GMDS: variants seen among roughly 807,000 people sequenced by gnomAD.
GMDS encodes the protein GDP-mannose 4,6 dehydratase.
Under a neutral mutation model 49.9 loss-of-function variants are expected in GMDS, and 20 were observed. The ratio of observed to expected loss-of-function variants is 0.40; its 90% CI spans 0.28 to 0.58. The LOEUF (loss-of-function observed/expected upper bound fraction) is 0.58, where lower values mean the gene tolerates loss of function less well. Among genes scored for constraint, GMDS ranks in the 20% least tolerant of loss-of-function variants. The probability of loss-of-function intolerance (pLI) is 0.42; values close to 1 mark genes in which losing one functional copy is unlikely to be tolerated. For missense variants in GMDS, 362 were observed against 481.4 expected, an observed-to-expected ratio of 0.75 and a Z score of 2.32; for synonymous variants, 177 against 178.6, an observed-to-expected ratio of 0.99 and a Z score of 0.07.
At chr6:1,686,607 TC>T (rs1367675405) in intron 9 of GMDS, among the ~76,000 whole-genome samples, 2 of 152,074 alleles carry the variant, frequency 1.3e-5, no homozygotes, top group Admixed American at 1.3e-4. Flanking sequence ...TCTAAATAGA[TC>T]CCCCCCGGGT....
chr6:2,180,322 G>C (rs1251899643), intron 1 of GMDS, among the ~76,000 whole-genome samples: 5 of 152,206 alleles, frequency 3.3e-5, no homozygotes, highest in Non-Finnish European at 7.3e-5. Flanking sequence ...TAATGCTACA[G>C]AGAAAGGTAT....
At position 1,836,827 on chromosome 6, in the gene GMDS, T is replaced by C. The variant is rs193005655; in HGVS notation, c.771+93276A>G. 1.9e-3 allele frequency among the ~76,000 whole-genome samples: 293 copies of C among 152,320 alleles called. 1 individual carries two copies. Among genetic ancestry groups the C allele is most frequent in the Non-Finnish European group, 3.2e-3 (216 of 68,024 alleles). On this transcript the variant is annotated intron_variant, in intron 7 of 10. Coordinates refer to ENST00000380815, the MANE Select transcript of GMDS (RefSeq NM_001500.4). This position sits in a 1 kb window ranked among gnomAD's most constrained non-coding sequence, Gnocchi z 4.2. ...TAAATCTCTATCACAAAGTTACAAT[T>C]TCTGTGCAGAGCAAGAGCTGTCAGG... is the stretch of plus-strand genomic sequence containing the variant.
chr6:1,938,255 C>A (rs186094518), intron 6 of GMDS, among the ~76,000 whole-genome samples: 1 of 152,290 alleles, frequency 6.6e-6, no homozygotes, highest in African/African-American at 2.4e-5. Context: ...GGGGAATATA[C>A]ATCTTCTTAT....
chr6:1,824,206 C>T (rs543135573), intron 7 of GMDS, among the ~76,000 whole-genome samples: 6 of 152,118 alleles, frequency 3.9e-5, no homozygotes, highest in Admixed American at 2.6e-4. Context: ...GCCTTATAAC[C>T]TTCTCCTCAT....
At chr6:2,032,736 T>C (rs1668054978) in intron 4 of GMDS, among the ~76,000 whole-genome samples, 1 of 152,202 alleles carries the variant, frequency 6.6e-6, no homozygotes, top group African/African-American at 2.4e-5. Flanking sequence ...CTGGTAGCAG[T>C]AGTATCTCCA....
At chr6:2,159,675 C>T (rs1474985343) in intron 1 of GMDS, among the ~76,000 whole-genome samples, 1 of 151,694 alleles carries the variant, frequency 6.6e-6, no homozygotes, top group Non-Finnish European at 1.5e-5. Flanking sequence ...TATGCCACCA[C>T]GCCCAACTAA....
intron 1 of GMDS, 148 bp downstream of exon 1, chr6:2,245,173 C>A: frequency 1.6e-6 from 1 of 627,290 alleles, no homozygotes; most frequent in Non-Finnish European, 2.8e-6. Context: ...CTGCACCGTA[C>A]CTTCCGTCCC....
intron 7 of GMDS, among the ~76,000 whole-genome samples, chr6:1,764,417 T>C (rs1190057191): frequency 6.6e-6 from 1 of 152,216 alleles, no homozygotes; most frequent in Admixed American, 6.5e-5. Flanking sequence ...TGAAAAGAAC[T>C]TGGACTGAAG....
At chr6:1,880,341 C>T (rs924026242) in intron 7 of GMDS, among the ~76,000 whole-genome samples, 8 of 151,254 alleles carry the variant, frequency 5.3e-5, no homozygotes, top group African/African-American at 2.0e-4. Context: ...GTTTGTTGCC[C>T]CAGCTACTCA....
At chr6:1,893,718 T>A (rs1450987796) in intron 7 of GMDS, among the ~76,000 whole-genome samples, 1 of 152,156 alleles carries the variant, frequency 6.6e-6, no homozygotes, top group African/African-American at 2.4e-5. Flanking sequence ...GAATAAGGTG[T>A]ATTGAAGCTA....
intron 4 of GMDS, among the ~76,000 whole-genome samples, chr6:2,102,072 T>C (rs927834729): frequency 2.0e-5 from 3 of 152,094 alleles, no homozygotes; most frequent in African/African-American, 7.2e-5. Context: ...TATACTACAC[T>C]GGAAATTTTT....
chr6:1,995,969 A>T (rs973460686), intron 4 of GMDS, among the ~76,000 whole-genome samples: 1 of 152,164 alleles, frequency 6.6e-6, no homozygotes, highest in Non-Finnish European at 1.5e-5. Context: ...CTGAAGTTGG[A>T]TCTGCAAAAG....
intron 4 of GMDS, among the ~76,000 whole-genome samples, chr6:1,965,187 C>A (rs1764196966): frequency 6.6e-6 from 1 of 151,896 alleles, no homozygotes; most frequent in Non-Finnish European, 1.5e-5. Context: ...GGGTATATAC[C>A]CAGTAATGGG....
At chr6:2,052,106 G>C (rs889080227) in intron 4 of GMDS, among the ~76,000 whole-genome samples, 1 of 87,080 alleles carries the variant, frequency 1.1e-5, no homozygotes, top group Non-Finnish European at 2.3e-5. Context: ...GACAGAGCAA[G>C]ACTCTGTCTC....
chr6:1,840,604 G>C (rs1432097464), intron 7 of GMDS, among the ~76,000 whole-genome samples: 2 of 152,152 alleles, frequency 1.3e-5, no homozygotes, highest in Non-Finnish European at 1.5e-5. Flanking sequence ...GAGCCCCTAC[G>C]CTCAGTCTAA....
At chr6:2,044,858 G>C (rs1486061936) in intron 4 of GMDS, among the ~76,000 whole-genome samples, 1 of 151,476 alleles carries the variant, frequency 6.6e-6, no homozygotes, top group Non-Finnish European at 1.5e-5. Context: ...CCTGGCACTT[G>C]TTCAATCTAT....
chr6:1,916,327 T>G (rs1761393998), intron 7 of GMDS, among the ~76,000 whole-genome samples: 1 of 151,768 alleles, frequency 6.6e-6, no homozygotes, highest in Admixed American at 6.6e-5. Context: ...CTATCAACCC[T>G]TCACGTGCGG....
chr6:1,738,302 T>G (rs1767128626), intron 8 of GMDS, among the ~76,000 whole-genome samples: 1 of 152,232 alleles, frequency 6.6e-6, no homozygotes, highest in African/African-American at 2.4e-5. Flanking sequence ...TTACCTTACA[T>G]TTTATCAGGA....
intron 4 of GMDS, among the ~76,000 whole-genome samples, chr6:1,990,228 G>A (rs550808281): frequency 7.4e-4 from 113 of 152,234 alleles, no homozygotes; most frequent in Non-Finnish European, 1.2e-3. Context: ...CCCGGGAGGC[G>A]GAGTTTGCAG....
Sources: gnomAD v4.1 joint callset for allele counts (sites outside exome capture counted in the v4.1 genomes callset) on GRCh38, gnomAD v4.1.1 for gene constraint, Gnocchi (gnomAD v3.1) non-coding constraint, MANE v1.5 for transcripts, NCBI Gene and HGNC (gene_info 2026-07-23, HGNC 2026-07-21) for gene names.